The following MARCHF1 variants were observed in gnomAD, a reference collection of about 807,000 sequenced individuals.
MARCHF1 encodes membrane associated ring-CH-type finger 1.
A neutral mutation model predicts 54.2 loss-of-function variants in MARCHF1; 40 were observed. The observed-to-expected ratio is 0.74, with a 90% CI of 0.57 to 0.96. MARCHF1 has a LOEUF of 0.96. Among genes scored for constraint, MARCHF1 ranks in the 40% least tolerant of loss-of-function variants. The pLI, the probability that MARCHF1 is intolerant of heterozygous loss-of-function variation, is 0.00. For synonymous variants in MARCHF1, 236 were observed against 236.3 expected (o/e 1.00, Z 0.01); for missense variants, 586 against 656.5 (o/e 0.89, Z 1.17).
At chr4:163,735,768 T>C (rs907457735) in intron 4 of MARCHF1, among the ~76,000 whole-genome samples, 1 of 152,204 alleles carries the variant, frequency 6.6e-6, no homozygotes, top group African/African-American at 2.4e-5. Flanking sequence ...TACACTATTA[T>C]ACTGGAACAC....
chr4:163,991,648 G>A (rs1425840259), intron 2 of MARCHF1, among the ~76,000 whole-genome samples: 2 of 152,138 alleles, frequency 1.3e-5, no homozygotes, highest in Non-Finnish European at 2.9e-5. Flanking sequence ...GTGGATACAG[G>A]AATCATTCAG....
At chr4:164,190,304 G>A (rs1312128992) in intron 1 of MARCHF1, 7 of 729,868 alleles carry the variant, frequency 9.6e-6, no homozygotes, top group Non-Finnish European at 1.4e-5. Context: ...TCCCAGCCAC[G>A]AAGAGGATAC....
chr4:164,239,478 G>A (rs1032258500), intron 1 of MARCHF1, among the ~76,000 whole-genome samples: 6 of 152,010 alleles, frequency 3.9e-5, no homozygotes, highest in Non-Finnish European at 8.8e-5. Flanking sequence ...AGTATCCCTA[G>A]AGATCTTCCT....
intron 9 of MARCHF1, among the ~76,000 whole-genome samples, chr4:163,535,206 G>T (rs183711747): frequency 6.6e-6 from 1 of 151,918 alleles, no homozygotes; most frequent in Non-Finnish European, 1.5e-5. Context: ...AAAAAAAATT[G>T]AGGGGGGTAT....
At chr4:163,959,842 T>C (rs1752309738) in intron 3 of MARCHF1, among the ~76,000 whole-genome samples, 1 of 152,024 alleles carries the variant, frequency 6.6e-6, no homozygotes, top group Non-Finnish European at 1.5e-5. Flanking sequence ...TGAGAGTTTC[T>C]GCACAGCAAA....
intron 5 of MARCHF1, among the ~76,000 whole-genome samples, chr4:163,618,128 A>C (rs1229715878): frequency 1.3e-5 from 2 of 152,156 alleles, no homozygotes; most frequent in African/African-American, 4.8e-5. Flanking sequence ...AAGAATATTC[A>C]AATAGGTCAT....
intron 2 of MARCHF1, among the ~76,000 whole-genome samples, chr4:164,016,849 T>C (rs1428426973): frequency 6.6e-6 from 1 of 152,158 alleles, no homozygotes; most frequent in Non-Finnish European, 1.5e-5. Flanking sequence ...ATAATTGTGA[T>C]AGATATCCCA....
intron 1 of MARCHF1, among the ~76,000 whole-genome samples, chr4:164,311,437 GA>G (rs1487098740): frequency 3.9e-5 from 6 of 152,054 alleles, no homozygotes; most frequent in African/African-American, 1.4e-4. Context: ...AAATTTTAAG[GA>G]AACATACATT....
At chr4:164,221,396 T>C (rs1052588720) in intron 1 of MARCHF1, among the ~76,000 whole-genome samples, 6 of 151,858 alleles carry the variant, frequency 4.0e-5, no homozygotes, top group Non-Finnish European at 7.4e-5. Flanking sequence ...CATACTACAA[T>C]AGTGGAAGAA....
chr4:163,973,555 C>T (rs1055007589), intron 3 of MARCHF1, among the ~76,000 whole-genome samples: 4 of 152,284 alleles, frequency 2.6e-5, no homozygotes, highest in East Asian at 3.9e-4. Flanking sequence ...TAGCCATGCC[C>T]GGAAACGGCG....
rs564629862 is a variant in MARCHF1 at position 163,859,662 on chromosome 4, A to G, written c.-38-5493T>C. On this transcript the variant is annotated intron_variant, in intron 3 of 9. Transcript: ENST00000514618. Reference sequence around the variant, plus strand: ...AGGCATAAGCCACTGTGCCCGGGCGAGAAAAGCTTTTTGAAAAGAGAGTAC... The same window carrying G: ...AGGCATAAGCCACTGTGCCCGGGCGGGAAAAGCTTTTTGAAAAGAGAGTAC... 8.5e-5 allele frequency among the ~76,000 whole-genome samples: 13 copies of G among 152,146 alleles called. No individual in the cohort carries two copies. The South Asian group carries it at 2.7e-3, about 32-fold the overall frequency.
chr4:164,009,750 T>C (rs1289241431), intron 2 of MARCHF1, among the ~76,000 whole-genome samples: 1 of 151,578 alleles, frequency 6.6e-6, no homozygotes, highest in Non-Finnish European at 1.5e-5. Flanking sequence ...CATCCCTTAA[T>C]GGTAAAGAAA....
chr4:164,313,062 G>A (rs1303264078), intron 1 of MARCHF1, among the ~76,000 whole-genome samples: 1 of 151,874 alleles, frequency 6.6e-6, no homozygotes, highest in African/African-American at 2.4e-5. Context: ...TAGGCTGGGA[G>A]CGGTGGTGGC....
intron 7 of MARCHF1, among the ~76,000 whole-genome samples, chr4:163,606,478 G>A (rs1741146882): frequency 6.6e-6 from 1 of 151,948 alleles, no homozygotes; most frequent in Non-Finnish European, 1.5e-5. Flanking sequence ...CTGACTAGAA[G>A]AATTATGAGA....
chr4:163,914,477 A>G (rs1448193487), intron 3 of MARCHF1, among the ~76,000 whole-genome samples: 1 of 152,124 alleles, frequency 6.6e-6, no homozygotes, highest in Non-Finnish European at 1.5e-5. Context: ...AGTATAACAT[A>G]TATGAGAAGA....
intron 4 of MARCHF1, among the ~76,000 whole-genome samples, chr4:163,838,674 C>T (rs1371083307): frequency 6.6e-6 from 1 of 152,064 alleles, no homozygotes; most frequent in Non-Finnish European, 1.5e-5. Context: ...AAGTTAGTGG[C>T]AGATGTTGCT....
At chr4:163,945,420 T>C (rs765393230) in intron 3 of MARCHF1, among the ~76,000 whole-genome samples, 3 of 152,180 alleles carry the variant, frequency 2.0e-5, no homozygotes. Context: ...TTGATTATGG[T>C]GAGCAGCTGC....
intron 3 of MARCHF1, among the ~76,000 whole-genome samples, chr4:163,860,051 G>C (rs1438997704): frequency 6.6e-6 from 1 of 152,138 alleles, no homozygotes; most frequent in East Asian, 1.9e-4. Flanking sequence ...TATAAAATGA[G>C]AAAGCTGCAT....
chr4:163,529,360 A>C (rs1203317018), intron 9 of MARCHF1, among the ~76,000 whole-genome samples: 1 of 152,082 alleles, frequency 6.6e-6, no homozygotes, highest in Non-Finnish European at 1.5e-5. Flanking sequence ...ACATTTGGAC[A>C]CTGACATTTA....
Sources: gnomAD v4.1 joint callset for allele counts (sites outside exome capture counted in the v4.1 genomes callset) on GRCh38, gnomAD v4.1.1 for gene constraint, MANE v1.5 for transcripts, NCBI Gene and HGNC (gene_info 2026-07-23, HGNC 2026-07-21) for gene names.